NCR3LG1: variants seen among roughly 807,000 people sequenced by gnomAD.
The protein encoded by NCR3LG1 is natural killer cell cytotoxicity receptor 3 ligand 1, also known as natural cytotoxicity triggering receptor 3 ligand 1.
NCR3LG1 carries 35 observed loss-of-function variants against 34.8 expected under a neutral mutation model. That is an observed-to-expected ratio of 1.01 (90% CI 0.77 to 1.33). The LOEUF is 1.33. NCR3LG1 is among the 40% of genes most tolerant of loss of function. The probability of loss-of-function intolerance (pLI) is 0.00; values close to 1 mark genes in which losing one functional copy is unlikely to be tolerated. For synonymous variants in NCR3LG1, 173 were observed against 163.6 expected (o/e 1.06, Z -0.44); for missense variants, 452 against 423.3 (o/e 1.07, Z -0.60).
intron 2 of NCR3LG1, among the ~76,000 whole-genome samples, chr11:17,362,691 C>CCTTT (rs757163762): frequency 0.013 from 442 of 33,028 alleles, 8 homozygotes; most frequent in South Asian, 0.021. Flanking sequence ...TTCCTTCCTT[C>CCTTT]CTTTCTTTCT....
At chr11:17,361,842 A>ACTAT (rs1953273345) in intron 2 of NCR3LG1, among the ~76,000 whole-genome samples, 1 of 151,908 alleles carries the variant, frequency 6.6e-6, no homozygotes, top group South Asian at 2.1e-4. Flanking sequence ...GTGAGGTCTC[A>ACTAT]CTATGTTGCC....
At chr11:17,360,093 A>G (rs1953253832) in intron 2 of NCR3LG1, among the ~76,000 whole-genome samples, 1 of 151,826 alleles carries the variant, frequency 6.6e-6, no homozygotes, top group East Asian at 1.9e-4. Context: ...TTTTGTAGAG[A>G]TAGGGTTTTG....
chr11:17,372,835 C>A lies in NCR3LG1; in HGVS notation c.*323C>A, dbSNP rs1253439875. 7.3e-6 allele frequency: 2 copies of A among 274,384 alleles called. No homozygotes were observed. The highest frequency in any genetic ancestry group is 6.9e-6 in the Non-Finnish European group (1 of 145,388). 17.0% of individuals were successfully genotyped at this position (274,384 alleles called of 1,614,324 possible). A position where few individuals can be genotyped will look rare whatever the true frequency, so the allele number is the denominator to read the frequency against. Reference sequence around the variant, plus strand: ...CCCAATAGGAAGCGAGGCAGTGCCCCTTGAACAACATAATTCGGACCCCAG... The same window carrying A: ...CCCAATAGGAAGCGAGGCAGTGCCCATTGAACAACATAATTCGGACCCCAG... On this transcript the variant is annotated 3_prime_UTR_variant, in exon 5 of 5. Transcript: ENST00000338965.
rs1050563346 is a variant in NCR3LG1, at chr11:17,354,940, A to G, written c.71-1711A>G. On this transcript the variant is annotated intron_variant, in intron 1 of 4. Coordinates refer to ENST00000338965, the MANE Select transcript of NCR3LG1 (RefSeq NM_001202439.3). Reference sequence around the variant, plus strand: ...CAACAAGGGGAATTCGGTTTCTGACATTTATCTAAATATAGATGTCTAGCT... The same window carrying G: ...CAACAAGGGGAATTCGGTTTCTGACGTTTATCTAAATATAGATGTCTAGCT... 2.3e-4 allele frequency among the ~76,000 whole-genome samples: 35 copies of G among 152,348 alleles called. No individual in the cohort carries two copies. The Middle Eastern group carries it at 0.014, about 59-fold the overall frequency.
chr11:17,363,678 C>T (rs1476391252), intron 2 of NCR3LG1, among the ~76,000 whole-genome samples: 1 of 151,816 alleles, frequency 6.6e-6, no homozygotes, highest in Non-Finnish European at 1.5e-5. Flanking sequence ...GCAGCTTCAC[C>T]CTAGTGGGCT....
chr11:17,359,989 C>T (rs987373242), intron 2 of NCR3LG1, among the ~76,000 whole-genome samples: 10 of 152,042 alleles, frequency 6.6e-5, no homozygotes, highest in Non-Finnish European at 8.8e-5. Flanking sequence ...GATTACAGCT[C>T]ACTTCCCAGG....
chr11:17,368,717 A>G (rs1466918650), intron 3 of NCR3LG1, 150 bp from the exon 4 acceptor site: 1 of 661,976 alleles, frequency 1.5e-6, no homozygotes, highest in East Asian at 2.7e-5. Flanking sequence ...TGTGATAGGA[A>G]TGGAGATGCT....
rs1953463148 is a variant in NCR3LG1 at position 17,375,297 on chromosome 11, C to A, written c.*2785C>A. The A allele has an allele frequency of 6.6e-6, 1 of 152,176 alleles. No homozygotes were observed. The highest frequency in any genetic ancestry group is 6.5e-5 in the Admixed American group (1 of 15,284). The allele number at this position is 152,176 out of a possible 1,614,324, so 9.4% of individuals were successfully genotyped here. Reference sequence around the variant, plus strand: ...AATTGTGAACAGACTGTAGTACAACCTATGCCGCTAGGGAGGATCTCAAAG... The same window carrying A: ...AATTGTGAACAGACTGTAGTACAACATATGCCGCTAGGGAGGATCTCAAAG... On this transcript the variant is annotated 3_prime_UTR_variant, in exon 5 of 5. Coordinates refer to ENST00000338965, the MANE Select transcript of NCR3LG1 (RefSeq NM_001202439.3).
intron 1 of NCR3LG1, among the ~76,000 whole-genome samples, chr11:17,353,496 A>C (rs367626302): frequency 6.6e-6 from 1 of 152,194 alleles, no homozygotes; most frequent in Non-Finnish European, 1.5e-5. Context: ...TCGAGCTCGA[A>C]GTGGCGCCAG....
In NCR3LG1 at chr11:17,356,676, A is replaced by C. The variant is rs187320595; in HGVS notation, c.96A>C (p.Ala32=). 1.3e-5 allele frequency: 20 copies of C among 1,535,198 alleles called. No individual in the cohort carries two copies. In the African/African-American group the frequency reaches 1.6e-4, roughly 13 times the overall value. ...GTGATCTGAAAGTAGAGATGATGGC[A>C]GGGGGGACTCAGATCACACCCCTGA... ...TEGDLKVEMM[A]GGTQITPLND... is the part of the protein sequence containing the mutation. Residue 32 remains alanine (A), a synonymous_variant, in exon 2 of 5, where the codon GCA becomes GCC. Coordinates refer to ENST00000338965, the MANE Select transcript of NCR3LG1 (RefSeq NM_001202439.3).
At position 17,364,138 on chromosome 11, in the gene NCR3LG1, T is replaced by A. The variant is rs1953318298; in HGVS notation, c.422-2871T>A. Among the ~76,000 whole-genome samples, 5 of 152,304 alleles carry A rather than the reference T, an allele frequency of 3.3e-5. No individual in the cohort carries two copies. In the South Asian group the frequency reaches 1.0e-3, roughly 32 times the overall value. On this transcript the variant is annotated intron_variant, in intron 2 of 4. Coordinates refer to ENST00000338965, the MANE Select transcript of NCR3LG1 (RefSeq NM_001202439.3). Reference sequence around the variant, plus strand: ...TTTGCAGTATCCCACAGTTCTTGGCTATTCTGGGGTTTTTTTTAAATTCTT... The same window carrying A: ...TTTGCAGTATCCCACAGTTCTTGGCAATTCTGGGGTTTTTTTTAAATTCTT...
rs1953210030 is a variant in NCR3LG1, at chr11:17,356,726, A to G, written c.146A>G (p.Asn49Ser). The G allele has an allele frequency of 1.3e-6, 2 of 1,536,446 alleles. No homozygotes were observed. Among genetic ancestry groups the G allele is most frequent in the Non-Finnish European group, 1.7e-6 (2 of 1,146,974 alleles). Residue 49 changes from asparagine to serine, a missense_variant, in exon 2 of 5, where the codon AAT becomes AGT. By Grantham distance (46) the Asn-to-Ser change is conservative. Coordinates refer to ENST00000338965, the MANE Select transcript of NCR3LG1 (RefSeq NM_001202439.3). ...AATGACAATGTCACCATATTCTGCA[A>G]TATCTTTTATTCCCAACCCCTCAAC... is the stretch of plus-strand genomic sequence containing the variant. The part of the protein sequence containing the change: ...PLNDNVTIFC[N>S]IFYSQPLNIT...
intron 1 of NCR3LG1, among the ~76,000 whole-genome samples, chr11:17,354,688 G>T (rs1034941030): frequency 6.8e-6 from 1 of 147,636 alleles, no homozygotes; most frequent in Non-Finnish European, 1.5e-5. Context: ...CTGTTTTTTT[G>T]GTTACAGTTG....
intron 1 of NCR3LG1, among the ~76,000 whole-genome samples, chr11:17,352,778 C>G (rs1953153495): frequency 6.6e-6 from 1 of 151,778 alleles, no homozygotes; most frequent in African/African-American, 2.4e-5. Context: ...GTGTTTTGAT[C>G]TTGTGGTGAC....
At chr11:17,362,776 C>T (rs1953293659) in intron 2 of NCR3LG1, among the ~76,000 whole-genome samples, 1 of 117,176 alleles carries the variant, frequency 8.5e-6, no homozygotes, top group Non-Finnish European at 1.7e-5. Context: ...TTCCTTCCTT[C>T]CTTCTTTCCT....
chr11:17,360,249 ATTG>A (rs57088430), intron 2 of NCR3LG1, among the ~76,000 whole-genome samples: 168 of 152,206 alleles, frequency 1.1e-3, no homozygotes, highest in African/African-American at 3.6e-3. Flanking sequence ...CATTTTTTAA[ATTG>A]TTGTGTTTTA....
intron 4 of NCR3LG1, among the ~76,000 whole-genome samples, chr11:17,370,518 G>A (rs73417281): frequency 0.011 from 1,622 of 152,226 alleles, 28 homozygotes; most frequent in African/African-American, 0.036. Context: ...CTTTTAGAGC[G>A]GCTGCCAACC....
intron 2 of NCR3LG1, among the ~76,000 whole-genome samples, chr11:17,365,285 C>T (rs1026049181): frequency 2.0e-5 from 3 of 152,080 alleles, no homozygotes; most frequent in Non-Finnish European, 2.9e-5. Flanking sequence ...CTCTCCTTTC[C>T]TATTGTCTTT....
rs1202769308 is a variant in NCR3LG1, at chr11:17,375,392, G to A, written c.*2880G>A. ...AGCTCTTTTGTAGGACAGGGAGTCT[G>A]AAAAGTGGGATATGCAGTAGTCACC... On this transcript the variant is annotated 3_prime_UTR_variant, in exon 5 of 5. Coordinates refer to ENST00000338965, the MANE Select transcript of NCR3LG1 (RefSeq NM_001202439.3). The A allele has an allele frequency of 6.6e-6, 1 of 152,188 alleles. No homozygotes were observed. The highest frequency in any genetic ancestry group is 2.4e-5 in the African/African-American group (1 of 41,448). 9.4% of individuals were successfully genotyped at this position (152,188 alleles called of 1,614,324 possible).
Sources: allele counts gnomAD v4.1 joint callset (sites outside exome capture counted in the v4.1 genomes callset), GRCh38; gene constraint gnomAD v4.1.1; transcripts MANE v1.5; gene names NCBI Gene and HGNC (gene_info 2026-07-23, HGNC 2026-07-21).